The following ASTN2 variants were observed in gnomAD, a reference collection of about 807,000 sequenced individuals.
The protein encoded by ASTN2 is astrotactin-2.
ASTN2 carries 54 observed loss-of-function variants against 139.8 expected under a neutral mutation model. The observed-to-expected ratio is 0.39, with a 90% CI of 0.31 to 0.48. The LOEUF is 0.48. Among genes scored for constraint, ASTN2 ranks in the 20% least tolerant of loss-of-function variants. The probability of loss-of-function intolerance (pLI) is 0.95; values close to 1 mark genes in which losing one functional copy is unlikely to be tolerated. For missense variants in ASTN2, 1,565 were observed against 1,725.1 expected (o/e 0.91, Z 1.64); for synonymous variants, 756 against 719.5 (o/e 1.05, Z -0.81).
intron 16 of ASTN2, among the ~76,000 whole-genome samples, chr9:116,681,430 G>T (rs1387267974): frequency 1.3e-5 from 2 of 152,122 alleles, no homozygotes; most frequent in Non-Finnish European, 2.9e-5. Flanking sequence ...AATTAATATC[G>T]TGAAAATGGC....
chr9:117,340,185 G>A (rs910648838), intron 1 of ASTN2, among the ~76,000 whole-genome samples: 2 of 151,802 alleles, frequency 1.3e-5, no homozygotes, highest in East Asian at 1.9e-4. Context: ...AAAATTAGCC[G>A]AGAGTGGTTG....
intron 22 of ASTN2, among the ~76,000 whole-genome samples, chr9:116,439,916 T>G (rs1341171676): frequency 6.6e-6 from 1 of 152,252 alleles, no homozygotes; most frequent in Non-Finnish European, 1.5e-5. Context: ...CATTTCTACC[T>G]TTTTATCGTT....
At chr9:117,101,109 T>C (rs561418176) in intron 4 of ASTN2, among the ~76,000 whole-genome samples, 11 of 152,252 alleles carry the variant, frequency 7.2e-5, no homozygotes, top group African/African-American at 2.6e-4. Flanking sequence ...CCTCAATTAC[T>C]TGATGCTTGT....
intron 1 of ASTN2, among the ~76,000 whole-genome samples, chr9:117,340,061 C>T (rs1166375189): frequency 6.6e-6 from 1 of 151,886 alleles, no homozygotes; most frequent in Non-Finnish European, 1.5e-5. Context: ...AGACATCAGA[C>T]CCTCCCTGTC....
chr9:116,841,556 G>A (rs962749327), intron 11 of ASTN2, among the ~76,000 whole-genome samples: 1 of 152,128 alleles, frequency 6.6e-6, no homozygotes, highest in African/African-American at 2.4e-5. Flanking sequence ...AAGATGAAAT[G>A]AGAGGTGAAA....
intron 1 of ASTN2, among the ~76,000 whole-genome samples, chr9:117,389,227 G>C (rs1830482932): frequency 6.6e-6 from 1 of 152,168 alleles, no homozygotes. Context: ...AGGGCTTTTG[G>C]TTTTTCTTCT....
intron 2 of ASTN2, among the ~76,000 whole-genome samples, chr9:117,215,884 T>C (rs1832302811): frequency 6.6e-6 from 1 of 152,198 alleles, no homozygotes; most frequent in African/African-American, 2.4e-5. Flanking sequence ...ACCCTTGTTG[T>C]ATACAGGGTA....
Position 117,414,785 on chromosome 9 carries a change from TGGCGCCGGCCAGCAGCGGC to T in ASTN2, c.135_153del (p.Leu47ProfsTer13). On this transcript the variant is annotated frameshift_variant, in exon 1 of 23. Coordinates refer to ENST00000313400, the MANE Select transcript of ASTN2 (RefSeq NM_001365068.1). LOFTEE classifies it high-confidence loss of function. The surrounding 1 kb of genome is among the most constrained non-coding windows in gnomAD (Gnocchi z 4.2). Reference sequence around the variant, plus strand: ...TCGGGCTCCCGCGAGGCAGCGGCGGTGGCGCCGGCCAGCAGCGGCGGCGGCGGCAGCAGGAGCAGGAACA... The same window carrying T: ...TCGGGCTCCCGCGAGGCAGCGGCGGTGGCGGCGGCAGCAGGAGCAGGAACA... The T allele has an allele frequency of 8.0e-7, 1 of 1,253,218 alleles. No individual in the cohort carries two copies. The highest frequency in any genetic ancestry group is 1.0e-6 in the Non-Finnish European group (1 of 998,248). 77.6% of individuals were successfully genotyped at this position (1,253,218 alleles called of 1,614,324 possible).
intron 19 of ASTN2, among the ~76,000 whole-genome samples, chr9:116,489,928 A>C (rs2416560): frequency 0.33 from 50,009 of 152,042 alleles, 9,536 homozygotes; most frequent in Admixed American, 0.45. Context: ...CTGCCACTGC[A>C]AGACAGACCT....
chr9:117,285,942 A>T (rs1457938906), intron 2 of ASTN2, among the ~76,000 whole-genome samples: 3 of 152,138 alleles, frequency 2.0e-5, no homozygotes, highest in African/African-American at 7.2e-5. Flanking sequence ...CTTTCTCAAA[A>T]CATTTTGTCA....
chr9:116,683,057 A>G (rs1157035094), intron 16 of ASTN2, among the ~76,000 whole-genome samples: 1 of 151,492 alleles, frequency 6.6e-6, no homozygotes, highest in Non-Finnish European at 1.5e-5. Context: ...AATAAAAAAT[A>G]AATTAAAAAA....
At chr9:116,458,108 A>G (rs1848385040) in intron 20 of ASTN2, among the ~76,000 whole-genome samples, 1 of 152,040 alleles carries the variant, frequency 6.6e-6, no homozygotes, top group African/African-American at 2.4e-5. Context: ...CAGAAAGACA[A>G]ACTTTGCATG....
At chr9:116,544,112 G>T (rs1024099712) in intron 19 of ASTN2, among the ~76,000 whole-genome samples, 14 of 152,096 alleles carry the variant, frequency 9.2e-5, no homozygotes, top group Admixed American at 3.3e-4. Context: ...AAATTCAGGG[G>T]TTACACTCAA....
chr9:116,973,181 C>A (rs1032781518), intron 10 of ASTN2, among the ~76,000 whole-genome samples: 1 of 152,148 alleles, frequency 6.6e-6, no homozygotes, highest in African/African-American at 2.4e-5. Flanking sequence ...TACCTCTATG[C>A]CTCAGGTTTG....
At chr9:117,163,172 C>T (rs959179011) in intron 3 of ASTN2, among the ~76,000 whole-genome samples, 2 of 152,084 alleles carry the variant, frequency 1.3e-5, no homozygotes, top group African/African-American at 4.8e-5. Flanking sequence ...GCAAGTTTCA[C>T]CTGCCTTCCT....
At chr9:117,026,092 ATT>A (rs1258068558) in intron 6 of ASTN2, among the ~76,000 whole-genome samples, 1 of 150,746 alleles carries the variant, frequency 6.6e-6, no homozygotes, top group Admixed American at 6.6e-5. Flanking sequence ...AGTTGCTTGT[ATT>A]TTTTTCTTTT....
intron 19 of ASTN2, among the ~76,000 whole-genome samples, chr9:116,531,749 T>C (rs1564347385): frequency 6.6e-6 from 1 of 152,216 alleles, no homozygotes; most frequent in Non-Finnish European, 1.5e-5. Flanking sequence ...CCACATTTTC[T>C]TAATCCAATC....
intron 16 of ASTN2, among the ~76,000 whole-genome samples, chr9:116,708,038 C>G (rs569940027): frequency 6.6e-6 from 1 of 152,288 alleles, no homozygotes; most frequent in South Asian, 2.1e-4. Context: ...GTCTTTGGCA[C>G]TTACAAATCA....
chr9:116,488,811 T>C (rs1849418864), intron 19 of ASTN2, among the ~76,000 whole-genome samples: 1 of 152,218 alleles, frequency 6.6e-6, no homozygotes, highest in Non-Finnish European at 1.5e-5. Flanking sequence ...TTTGCTTATC[T>C]CTATTTTAAA....
Sources: allele counts gnomAD v4.1 joint callset (sites outside exome capture counted in the v4.1 genomes callset), GRCh38; gene constraint gnomAD v4.1.1; non-coding constraint Gnocchi (gnomAD v3.1); transcripts MANE v1.5; gene names NCBI Gene and HGNC (gene_info 2026-07-23, HGNC 2026-07-21).